DENND5A: variants seen among roughly 807,000 people sequenced by gnomAD.
The protein encoded by DENND5A is DENN domain containing 5A.
Under a neutral mutation model 140.3 loss-of-function variants are expected in DENND5A, and 64 were observed. That is an observed-to-expected ratio of 0.46 (90% CI 0.37 to 0.56). DENND5A has a LOEUF of 0.56. DENND5A is among the 20% of genes least tolerant of loss of function. The probability of loss-of-function intolerance (pLI) is 0.00; values close to 1 mark genes in which losing one functional copy is unlikely to be tolerated. For synonymous variants in DENND5A, 605 were observed against 607.7 expected, an observed-to-expected ratio of 1.00 and a Z score of 0.07; for missense variants, 1,292 against 1,593.8, an observed-to-expected ratio of 0.81 and a Z score of 3.22.
At chr11:9,217,554 G>A (rs935345172) in intron 1 of DENND5A, among the ~76,000 whole-genome samples, 6 of 152,132 alleles carry the variant, frequency 3.9e-5, no homozygotes, top group Admixed American at 6.6e-5. Flanking sequence ...AAAGGCCTAC[G>A]TATGGAGACA....
Position 9,179,054 on chromosome 11 carries a change from G to A in DENND5A, c.1475C>T (p.Pro492Leu). The change falls in exon 7 of 23, where the codon CCC becomes CTC. Residue 492 changes from proline (P) to leucine (L), a missense_variant. Coordinates refer to ENST00000328194, the MANE Select transcript of DENND5A (RefSeq NM_015213.4). ...AACTTTGAGATCCTTATTGCTGCTG[G>A]GGTCTTCACGCACTTCCAACTACAA... The part of the protein sequence containing the change: ...SLEKLEVRED[P>L]SSNKDLKVQC... 2 of 1,613,938 alleles carry A rather than the reference G, an allele frequency of 1.2e-6. No homozygotes were observed. Among genetic ancestry groups the A allele is most frequent in the Non-Finnish European group, 8.5e-7 (1 of 1,179,970 alleles).
chr11:9,256,279 G>C (rs1207324888), intron 1 of DENND5A, among the ~76,000 whole-genome samples: 3 of 152,064 alleles, frequency 2.0e-5, no homozygotes, highest in Non-Finnish European at 2.9e-5. Context: ...GGCCAACGTG[G>C]TGAAACCCCG....
chr11:9,216,004 C>G (rs1432947690), intron 1 of DENND5A, among the ~76,000 whole-genome samples: 1 of 152,164 alleles, frequency 6.6e-6, no homozygotes, highest in Non-Finnish European at 1.5e-5. Context: ...ATTTCTGTAA[C>G]TAAAAAGTGG....
At chr11:9,192,405 G>A (rs898894646) in intron 5 of DENND5A, among the ~76,000 whole-genome samples, 3 of 152,138 alleles carry the variant, frequency 2.0e-5, no homozygotes, top group Non-Finnish European at 4.4e-5. Context: ...AAGGCGGGTG[G>A]ATCATGAGGT....
At chr11:9,200,563 ATATT>A (rs1447374731) in intron 4 of DENND5A, among the ~76,000 whole-genome samples, 1 of 152,252 alleles carries the variant, frequency 6.6e-6, no homozygotes, top group Non-Finnish European at 1.5e-5. Context: ...AATTATTGGA[ATATT>A]TAGTAACATC....
chr11:9,163,561 T>C (rs571889903), intron 11 of DENND5A, among the ~76,000 whole-genome samples: 2 of 152,170 alleles, frequency 1.3e-5, no homozygotes, highest in South Asian at 2.1e-4. Flanking sequence ...TCCCAGCACT[T>C]TGGAGGCCGA....
At chr11:9,196,964 AAAG>A (rs758178627) in intron 4 of DENND5A, among the ~76,000 whole-genome samples, 23 of 151,792 alleles carry the variant, frequency 1.5e-4, no homozygotes, top group African/African-American at 5.1e-4. Flanking sequence ...TGTATAATTT[AAAG>A]AATATTAAAA....
At chr11:9,209,020 T>C (rs1849783354) in intron 1 of DENND5A, among the ~76,000 whole-genome samples, 1 of 152,234 alleles carries the variant, frequency 6.6e-6, no homozygotes, top group African/African-American at 2.4e-5. Flanking sequence ...ATTCTTGGGA[T>C]GTATTTTTAA....
In DENND5A at chr11:9,265,076, G is replaced by C. The variant is rs527529330; in HGVS notation, c.-7C>G. On this transcript the variant is annotated 5_prime_UTR_variant, in exon 1 of 23. Transcript: ENST00000328194. This position sits in a 1 kb window ranked among gnomAD's most constrained non-coding sequence, Gnocchi z 4.7. ...CGCCGCCGCCGCCACTCATGGCGCC[G>C]GGGCCGAGACCGGCCGGGCAGTGCG... The C allele has an allele frequency of 1.3e-6, 2 of 1,518,738 alleles. No individual in the cohort carries two copies. Among genetic ancestry groups the C allele is most frequent in the Admixed American group, 2.0e-5 (1 of 49,360 alleles). 94.1% of individuals were successfully genotyped at this position (1,518,738 alleles called of 1,614,324 possible).
intron 4 of DENND5A, among the ~76,000 whole-genome samples, chr11:9,201,677 A>G (rs1849529857): frequency 6.6e-6 from 1 of 152,196 alleles, no homozygotes; most frequent in Admixed American, 6.6e-5. Context: ...CTCAAAAGGA[A>G]AAAGAAAAGA....
intron 6 of DENND5A, 77 bp from the exon 7 acceptor site, chr11:9,179,150 T>G: frequency 7.5e-7 from 1 of 1,340,764 alleles, no homozygotes; most frequent in Non-Finnish European, 1.0e-6. Context: ...CCTGATTTTT[T>G]TATCTGATTT....
intron 12 of DENND5A, among the ~76,000 whole-genome samples, chr11:9,155,254 C>T (rs2136130689): frequency 6.6e-6 from 1 of 152,296 alleles, no homozygotes; most frequent in South Asian, 2.1e-4. Flanking sequence ...ATTCATCCTT[C>T]CATCTACCAC....
intron 1 of DENND5A, among the ~76,000 whole-genome samples, chr11:9,229,047 T>C (rs965527349): frequency 6.6e-6 from 1 of 152,200 alleles, no homozygotes; most frequent in African/African-American, 2.4e-5. Flanking sequence ...TACTGGCATC[T>C]GAAGTGGGGA....
At chr11:9,151,418 T>C (rs1421337750) in intron 13 of DENND5A, among the ~76,000 whole-genome samples, 1 of 152,228 alleles carries the variant, frequency 6.6e-6, no homozygotes, top group Non-Finnish European at 1.5e-5. Context: ...AACCTGCTTT[T>C]ACACATCCAG....
At chr11:9,160,892 A>C (rs766595056) in intron 11 of DENND5A, 27 bp from the exon 12 acceptor site, 1 of 1,611,060 alleles carries the variant, frequency 6.2e-7, no homozygotes. Context: ...AACAGGATTA[A>C]ATAACCACAG....
At chr11:9,185,891 C>T (rs145389515) in intron 5 of DENND5A, among the ~76,000 whole-genome samples, 15 of 151,158 alleles carry the variant, frequency 9.9e-5, no homozygotes, top group African/African-American at 2.9e-4. Flanking sequence ...TGGATGTTTA[C>T]GTGTCTGTGC....
chr11:9,233,957 C>A (rs1850886993), intron 1 of DENND5A, among the ~76,000 whole-genome samples: 1 of 152,030 alleles, frequency 6.6e-6, no homozygotes, highest in Non-Finnish European at 1.5e-5. Flanking sequence ...GTGGGTGGAT[C>A]ACTTGAGGTC....
rs11042207 is a variant in DENND5A at position 9,174,222 on chromosome 11, C to T, written c.1907-3445G>A. 9.2e-5 allele frequency among the ~76,000 whole-genome samples: 13 copies of T among 142,060 alleles called. No individual in the cohort carries two copies. The East Asian group carries it at 2.3e-3, about 25-fold the overall frequency. The allele number at this position is 142,060 out of a possible 152,430, so 93.2% of individuals were successfully genotyped here. On this transcript the variant is annotated intron_variant, in intron 8 of 22. Coordinates refer to ENST00000328194, the MANE Select transcript of DENND5A (RefSeq NM_015213.4). ...ACAGATGGGACAAATAGAAAACAAA[C>T]AGCAAAATGACAGGCTTAAACCCAG...
intron 1 of DENND5A, among the ~76,000 whole-genome samples, chr11:9,252,143 CA>C (rs1851750848): frequency 6.7e-6 from 1 of 148,584 alleles, no homozygotes; most frequent in Non-Finnish European, 1.5e-5. Flanking sequence ...ACTAAAAACA[CA>C]AAAATTAGCT....
Sources: allele counts gnomAD v4.1 joint callset (sites outside exome capture counted in the v4.1 genomes callset), GRCh38; gene constraint gnomAD v4.1.1; non-coding constraint Gnocchi (gnomAD v3.1); transcripts MANE v1.5; gene names NCBI Gene and HGNC (gene_info 2026-07-23, HGNC 2026-07-21).